The following DMD variants were observed in gnomAD, a reference collection of about 807,000 sequenced individuals.
DMD encodes the protein dystrophin, also known as mutant dystrophin.
In DMD, 63 loss-of-function variants were observed where a neutral mutation model predicts 330.1. The ratio of observed to expected loss-of-function variants is 0.19; its 90% CI spans 0.16 to 0.24. The LOEUF is 0.24. DMD is among the 10% of genes least tolerant of loss of function. DMD has a pLI of 1.00. For synonymous variants in DMD, 1,223 were observed against 959.8 expected (o/e 1.27, Z -5.07); for missense variants, 3,344 against 2,684.1 (o/e 1.25, Z -5.43).
intron 1 of DMD, among the ~76,000 whole-genome samples, chrX:33,253,672 T>C (rs2052807821): frequency 1.8e-5 from 2 of 111,148 alleles, no homozygotes; most frequent in African/African-American, 6.5e-5. Context: ...CAGTCCCTTC[T>C]CTAAGTGACA....
intron 7 of DMD, among the ~76,000 whole-genome samples, chrX:32,715,242 G>T (rs1236970225): frequency 2.7e-5 from 3 of 110,447 alleles, no homozygotes. Flanking sequence ...ACTTTGGGAG[G>T]CCAAGGCAGG....
chrX:31,834,918 G>T (rs1393196607), intron 49 of DMD, among the ~76,000 whole-genome samples: 1 of 111,493 alleles, frequency 9.0e-6, no homozygotes. Flanking sequence ...ATGGTTTTAA[G>T]GGTTGTGAAA....
At chrX:33,275,001 G>GTT (rs2053212504) in intron 1 of DMD, among the ~76,000 whole-genome samples, 1 of 111,568 alleles carries the variant, frequency 9.0e-6, no homozygotes, top group African/African-American at 3.3e-5. Context: ...CTCACCACAG[G>GTT]TTTATGCTCT....
rs1171927773 is a variant in DMD, at chrX:31,121,536, C to G, written c.*383G>C. The G allele has an allele frequency of 4.6e-6, 1 of 217,735 alleles. No homozygotes were observed. Among genetic ancestry groups the G allele is most frequent in the Non-Finnish European group, 8.2e-6 (1 of 121,663 alleles). The allele number at this position is 217,735 out of a possible 1,213,427, so 17.9% of individuals were successfully genotyped here. A position where few individuals can be genotyped will look rare whatever the true frequency, so the allele number is the denominator to read the frequency against. On this transcript the variant is annotated 3_prime_UTR_variant, in exon 79 of 79. Transcript: ENST00000357033. ...TTTAGTTTACAATCTTTCTTTATAA[C>G]TGTTATAAATTTTTAAACAACCCAA... is the stretch of plus-strand genomic sequence containing the variant.
At chrX:31,187,119 T>A (rs180735836) in intron 67 of DMD, among the ~76,000 whole-genome samples, 1 of 112,905 alleles carries the variant, frequency 8.9e-6, no homozygotes, top group East Asian at 2.8e-4. Context: ...TGCTACAAAC[T>A]GGAAATATTA....
At chrX:31,866,425 C>T (rs550639242) in intron 48 of DMD, among the ~76,000 whole-genome samples, 4 of 111,817 alleles carry the variant, frequency 3.6e-5, no homozygotes, top group Admixed American at 9.5e-5. Context: ...CTAGGTATCT[C>T]CTCAGTCATT....
At chrX:31,424,013 G>A (rs1219437393) in intron 60 of DMD, among the ~76,000 whole-genome samples, 3 of 111,072 alleles carry the variant, frequency 2.7e-5, no homozygotes, top group Non-Finnish European at 5.7e-5. Context: ...TGCTGTGTGT[G>A]ACTGTTAGAA....
chrX:33,259,165 A>G (rs994410649), intron 1 of DMD, among the ~76,000 whole-genome samples: 2 of 110,676 alleles, frequency 1.8e-5, no homozygotes, highest in African/African-American at 6.6e-5. Flanking sequence ...TTAAAAATAG[A>G]CTTTGTTTTT....
At chrX:31,660,284 A>ATTCT (rs747944299) in intron 53 of DMD, among the ~76,000 whole-genome samples, 4 of 112,098 alleles carry the variant, frequency 3.6e-5, no homozygotes, top group Non-Finnish European at 7.5e-5. Flanking sequence ...TACAGTTTCT[A>ATTCT]TTCTCCACTT....
intron 9 of DMD, among the ~76,000 whole-genome samples, chrX:32,662,219 A>G (rs147635242): frequency 0.011 from 1,198 of 111,617 alleles, 21 homozygotes; most frequent in African/African-American, 0.037. Flanking sequence ...ATTACACTAA[A>G]AAGGTCATCA....
intron 50 of DMD, among the ~76,000 whole-genome samples, chrX:31,805,988 T>TA (rs1314355549): frequency 8.9e-6 from 1 of 112,223 alleles, no homozygotes; most frequent in Non-Finnish European, 1.9e-5. Context: ...CAGCCACACT[T>TA]ATGCATTTAC....
intron 1 of DMD, among the ~76,000 whole-genome samples, chrX:33,126,077 A>G (rs1445612239): frequency 9.1e-6 from 1 of 110,274 alleles, no homozygotes; most frequent in Non-Finnish European, 1.9e-5. Context: ...CGTATTTGAG[A>G]CCTAATGACC....
intron 4 of DMD, among the ~76,000 whole-genome samples, chrX:32,831,681 T>C (rs867256390): frequency 1.6e-5 from 1 of 62,071 alleles, no homozygotes; most frequent in Non-Finnish European, 3.6e-5. Context: ...TGTGTGTGTG[T>C]GTGTGTGTGT....
chrX:33,161,256 C>T (rs776763286), intron 1 of DMD, among the ~76,000 whole-genome samples: 4 of 111,496 alleles, frequency 3.6e-5, no homozygotes, highest in South Asian at 3.7e-4. Flanking sequence ...TCACAAATGG[C>T]GGCTGCTCTT....
intron 43 of DMD, among the ~76,000 whole-genome samples, chrX:32,275,764 A>T (rs2097383837): frequency 9.0e-6 from 1 of 111,511 alleles, no homozygotes; most frequent in Admixed American, 9.5e-5. Flanking sequence ...TTCCCCATAA[A>T]CCATGGTTTC....
chrX:31,275,466 C>T (rs939537664), intron 62 of DMD, among the ~76,000 whole-genome samples: 3 of 111,110 alleles, frequency 2.7e-5, no homozygotes, highest in Non-Finnish European at 5.6e-5. Context: ...AAGACCTTCA[C>T]GTGGGAATTG....
At chrX:33,303,119 C>T (rs1037215436) in intron 1 of DMD, among the ~76,000 whole-genome samples, 1 of 111,384 alleles carries the variant, frequency 9.0e-6, no homozygotes, top group Non-Finnish European at 1.9e-5. Flanking sequence ...TGAATAACAT[C>T]TTATTGTCTG....
chrX:32,452,748 G>T (rs746779528), intron 26 of DMD, among the ~76,000 whole-genome samples: 1 of 110,383 alleles, frequency 9.1e-6, no homozygotes, highest in South Asian at 3.8e-4. Flanking sequence ...AAATTATTTT[G>T]GTCTTTTGAA....
chrX:31,800,124 T>C (rs1454924199), intron 50 of DMD, among the ~76,000 whole-genome samples: 1 of 112,490 alleles, frequency 8.9e-6, no homozygotes, highest in Admixed American at 9.3e-5. Flanking sequence ...TGGATGATGG[T>C]GGTCCTCTTC....
Sources: allele counts gnomAD v4.1 joint callset (sites outside exome capture counted in the v4.1 genomes callset), GRCh38; gene constraint gnomAD v4.1.1; transcripts MANE v1.5; gene names NCBI Gene and HGNC (gene_info 2026-07-23, HGNC 2026-07-21).